Variants in LRFN3 observed in about 807,000 individuals in gnomAD.
The protein encoded by LRFN3 is leucine-rich repeat and fibronectin type-III domain-containing protein 3.
Under a neutral mutation model 23.8 loss-of-function variants are expected in LRFN3, and 8 were observed. The observed-to-expected ratio is 0.34, with a 90% confidence interval of 0.20 to 0.61. The LOEUF is 0.61. Among genes scored for constraint, LRFN3 ranks in the 20% least tolerant of loss-of-function variants. The pLI is 0.80. For synonymous variants in LRFN3, 451 were observed against 450.6 expected, an observed-to-expected ratio of 1.00 and a Z score of -0.01; for missense variants, 736 against 935.3, an observed-to-expected ratio of 0.79 and a Z score of 2.78.
intron 2 of LRFN3, among the ~76,000 whole-genome samples, chr19:35,942,039 T>C (rs7246259): frequency 0.14 from 21,681 of 151,864 alleles, 3,214 homozygotes; most frequent in African/African-American, 0.38. Context: ...CCCGTCACCA[T>C]GCCCGGCTAA....
In LRFN3 at chr19:35,940,817, G is replaced by C; in HGVS notation, c.1392G>C (p.Ser464=). 1 of 1,581,834 alleles carries C rather than the reference G, an allele frequency of 6.3e-7. No homozygotes were observed. Among genetic ancestry groups the C allele is most frequent in the Non-Finnish European group, 8.6e-7 (1 of 1,158,458 alleles). The part of the protein sequence containing the change: ...IRMYQIQYNS[S]ADDILVYRMI... Reference sequence around the variant, plus strand: ...TGTACCAGATCCAGTACAACAGCTCGGCTGATGACATCCTCGTCTACAGGT... The same window carrying C: ...TGTACCAGATCCAGTACAACAGCTCCGCTGATGACATCCTCGTCTACAGGT... The change falls in exon 2 of 3, where the codon TCG becomes TCC. Residue 464 remains serine, a synonymous_variant. Coordinates refer to ENST00000246529, the MANE Select transcript of LRFN3 (RefSeq NM_024509.2).
rs2038393314 is a variant in LRFN3, at chr19:35,940,485, C to T, written c.1060C>T (p.Leu354=). 6.2e-7 allele frequency: 1 copy of T among 1,610,880 alleles called. No homozygotes were observed. The highest frequency in any genetic ancestry group is 8.5e-7 in the Non-Finnish European group (1 of 1,179,502). Residue 354 remains leucine, a synonymous_variant, in exon 2 of 3, where the codon CTG becomes TTG. Coordinates refer to ENST00000246529, the MANE Select transcript of LRFN3 (RefSeq NM_024509.2). ...CTTCCCCAATGGGACGCTGGAGCTG[C>T]TGGTCACCGAGCCGGGTGATGGTGG... is the stretch of plus-strand genomic sequence containing the variant. ...RAFPNGTLEL[L]VTEPGDGGIF...
At chr19:35,938,379 TTC>T (rs113707953) in intron 1 of LRFN3, among the ~76,000 whole-genome samples, 10,628 of 149,444 alleles carry the variant, frequency 0.071, 680 homozygotes, top group African/African-American at 0.17. Flanking sequence ...TGGCCACCTC[TTC>T]TCTCTTTCTC....
At position 35,944,573 on chromosome 19, in the gene LRFN3, T is replaced by C. The variant is rs1396813442; in HGVS notation, c.1441T>C (p.Phe481Leu). The C allele has an allele frequency of 6.8e-7, 1 of 1,476,126 alleles. No homozygotes were observed. Among genetic ancestry groups the C allele is most frequent in the East Asian group, 2.5e-5 (1 of 39,862 alleles). The allele number at this position is 1,476,126 out of a possible 1,614,324, so 91.4% of individuals were successfully genotyped here. A position where few individuals can be genotyped will look rare whatever the true frequency, so the allele number is the denominator to read the frequency against. ...YRMIPAESRS[F>L]LLTDLASGRT... is the part of the protein sequence containing the mutation. ...GATGATCCCGGCGGAGAGCCGCTCG[T>C]TCCTGCTGACGGACCTGGCGTCAGG... The change falls in exon 3 of 3, where the codon TTC (phenylalanine) becomes CTC (leucine). Residue 481 changes from phenylalanine (F) to leucine (L), a missense_variant. By Grantham distance (22) the Phe-to-Leu change is conservative (BLOSUM62 0). This residue lies in a region of LRFN3 where 290 missense variants were observed against 287.4 expected (regional missense o/e 1.01). Transcript: ENST00000246529. The surrounding 1 kb of genome is among the most constrained non-coding windows in gnomAD (Gnocchi z 4.5).
intron 2 of LRFN3, among the ~76,000 whole-genome samples, chr19:35,941,951 T>C (rs1217053373): frequency 3.9e-5 from 6 of 151,920 alleles, no homozygotes; most frequent in South Asian, 2.1e-4. Context: ...GGCACAATCT[T>C]GACTCACTGC....
rs1030145713 is a variant in LRFN3 at position 35,944,105 on chromosome 19, G to T, written c.1416-443G>T. ...CTCAGGAGGCTGAGGCCGGAGGATG[G>T]CTTGAGTCCAGGAGTCAGAGGCTGC... On this transcript the variant is annotated intron_variant, in intron 2 of 2. Transcript: ENST00000246529. The surrounding 1 kb of genome is among the most constrained non-coding windows in gnomAD (Gnocchi z 4.5). Among the ~76,000 whole-genome samples, 1 of 152,194 alleles carries T rather than the reference G, an allele frequency of 6.6e-6. No homozygotes were observed. Among genetic ancestry groups the T allele is most frequent in the Admixed American group, 6.5e-5 (1 of 15,276 alleles).
rs1004524018 is a variant in LRFN3, at chr19:35,946,007, G to T, written c.*988G>T. 1.2e-4 allele frequency among the ~76,000 whole-genome samples: 19 copies of T among 152,038 alleles called. No individual in the cohort carries two copies. Among genetic ancestry groups the T allele is most frequent in the Admixed American group, 1.2e-3 (18 of 15,252 alleles). ...AGGGAGTGGGTTGACAGAGACACTC[G>T]GGAAACTGTGGGAAGCTGAGGCGGT... is the stretch of plus-strand genomic sequence containing the variant. On this transcript the variant is annotated 3_prime_UTR_variant, in exon 3 of 3. Transcript: ENST00000246529.
chr19:35,938,107 T>C (rs1976076844), intron 1 of LRFN3, among the ~76,000 whole-genome samples: 1 of 152,120 alleles, frequency 6.6e-6, no homozygotes, highest in African/African-American at 2.4e-5. Context: ...CCATCCATCT[T>C]TGACATTGCT....
intron 2 of LRFN3, among the ~76,000 whole-genome samples, chr19:35,941,339 C>G (rs1207164798): frequency 6.6e-6 from 1 of 152,078 alleles, no homozygotes; most frequent in Non-Finnish European, 1.5e-5. Flanking sequence ...AAGAGAGAAA[C>G]ACCAGGTTTT....
rs908964968 is a variant in LRFN3 at position 35,944,336 on chromosome 19, T to C, written c.1416-212T>C. 1.7e-4 allele frequency among the ~76,000 whole-genome samples: 26 copies of C among 151,996 alleles called. No homozygotes were observed. The highest frequency in any genetic ancestry group is 1.7e-3 in the South Asian group (8 of 4,828). On this transcript the variant is annotated intron_variant, in intron 2 of 2. Transcript: ENST00000246529. This position sits in a 1 kb window ranked among gnomAD's most constrained non-coding sequence, Gnocchi z 4.5. ...TGTGAGAGGGTGGGCTAGAGTGAAA[T>C]TGGCCAACAGACTGGAGGGGTATCA...
Position 35,945,079 on chromosome 19 carries a change from T to A in LRFN3, c.*60T>A. The A allele has an allele frequency of 9.6e-7, 1 of 1,045,346 alleles. No homozygotes were observed. Among genetic ancestry groups the A allele is most frequent in the Non-Finnish European group, 1.3e-6 (1 of 778,576 alleles). 64.8% of individuals were successfully genotyped at this position (1,045,346 alleles called of 1,614,324 possible). ...CACGGACAGCAGGACCCGGACACCC[T>A]GTGGGACCTGGCCTCAAACTCACCA... On this transcript the variant is annotated 3_prime_UTR_variant, in exon 3 of 3. Coordinates refer to ENST00000246529, the MANE Select transcript of LRFN3 (RefSeq NM_024509.2).
Position 35,940,618 on chromosome 19 carries a change from AC to A in LRFN3, c.1199del (p.Pro400ArgfsTer34). The A allele has an allele frequency of 6.2e-7, 1 of 1,609,684 alleles. No homozygotes were observed. Among genetic ancestry groups the A allele is most frequent in the African/African-American group, 1.3e-5 (1 of 74,900 alleles). On this transcript the variant is annotated frameshift_variant, in exon 2 of 3. Coordinates refer to ENST00000246529, the MANE Select transcript of LRFN3 (RefSeq NM_024509.2). LOFTEE classifies it high-confidence loss of function. ...PPQLANSTSCDPPRDGDPDAL... is the reference protein window; with the variant it reads ...PPQLANSTSCXPPRDGDPDAL... ...CAGCTAGCCAACAGCACCAGCTGTGACCCCCCGCGGGACGGGGATCCTGATG... is the reference window on the plus strand; with the variant it reads ...CAGCTAGCCAACAGCACCAGCTGTGACCCCCGCGGGACGGGGATCCTGATG...
intron 1 of LRFN3, 109 bp downstream of exon 1, chr19:35,937,664 G>C (rs890579183): frequency 1.3e-5 from 2 of 152,756 alleles, no homozygotes; most frequent in Admixed American, 1.3e-4. Flanking sequence ...CAGAAAAAAA[G>C]ACATTCCCCC....
Position 35,940,544 on chromosome 19 carries a change from C to T in LRFN3, c.1119C>T (p.Gly373=), listed in dbSNP as rs761574087. The T allele has an allele frequency of 6.8e-6, 11 of 1,612,602 alleles. No individual in the cohort carries two copies. Among genetic ancestry groups the T allele is most frequent in the Admixed American group, 5.0e-5 (3 of 59,982 alleles). ...IFTCIAANAA[G]EATAAVELTV... ...CCTGCATTGCGGCCAATGCAGCTGG[C>T]GAGGCCACAGCTGCTGTGGAGCTGA... is the stretch of plus-strand genomic sequence containing the variant. The change falls in exon 2 of 3, where the codon GGC becomes GGT. Residue 373 remains glycine (G), a synonymous_variant. Coordinates refer to ENST00000246529, the MANE Select transcript of LRFN3 (RefSeq NM_024509.2).
At position 35,944,723 on chromosome 19, in the gene LRFN3, C is replaced by T; in HGVS notation, c.1591C>T (p.His531Tyr). The T allele has an allele frequency of 1.2e-6, 2 of 1,605,944 alleles. No homozygotes were observed. Among genetic ancestry groups the T allele is most frequent in the African/African-American group, 1.3e-5 (1 of 74,634 alleles). The change falls in exon 3 of 3, where the codon CAC (histidine) becomes TAC (tyrosine). Residue 531 changes from histidine to tyrosine, a missense_variant. By Grantham distance (83) the His-to-Tyr change is moderately conservative. This residue lies in a region of LRFN3 where 290 missense variants were observed against 287.4 expected (regional missense o/e 1.01). Transcript: ENST00000246529. This position sits in a 1 kb window ranked among gnomAD's most constrained non-coding sequence, Gnocchi z 4.5. The part of the protein sequence containing the change: ...EPALRPCGAP[H>Y]APFLGGTMII... ...TGCGCTGCGGCCATGCGGGGCGCCG[C>T]ACGCTCCCTTCCTGGGCGGCACGAT...
intron 2 of LRFN3, among the ~76,000 whole-genome samples, chr19:35,943,762 C>T (rs1017959294): frequency 4.6e-5 from 7 of 152,006 alleles, no homozygotes; most frequent in South Asian, 2.1e-4. Context: ...AGATGACTGG[C>T]AGTGGGACCA....
rs914134840 is a variant in LRFN3 at position 35,946,209 on chromosome 19, C to G, written c.*1190C>G. On this transcript the variant is annotated 3_prime_UTR_variant, in exon 3 of 3. Coordinates refer to ENST00000246529, the MANE Select transcript of LRFN3 (RefSeq NM_024509.2). ...TGGCATTCAGGAGGGTGCAGGACCCCTGGTCTGAGGCTGAAGCTGGAAATA... is the reference window on the plus strand; with the variant it reads ...TGGCATTCAGGAGGGTGCAGGACCCGTGGTCTGAGGCTGAAGCTGGAAATA... 6.6e-6 allele frequency among the ~76,000 whole-genome samples: 1 copy of G among 151,978 alleles called. No individual in the cohort carries two copies.
rs2145304161 is a variant in LRFN3 at position 35,945,154 on chromosome 19, G to A, written c.*135G>A. The stretch of plus-strand genomic sequence containing the variant: ...TGATGGGGAGGGTGTCGGGGACACC[G>A]GGGCAAAACAAGAAAGTCCTATTTT... On this transcript the variant is annotated 3_prime_UTR_variant, in exon 3 of 3. Coordinates refer to ENST00000246529, the MANE Select transcript of LRFN3 (RefSeq NM_024509.2). 1 of 524,170 alleles carries A rather than the reference G, an allele frequency of 1.9e-6. No individual in the cohort carries two copies. The highest frequency in any genetic ancestry group is 3.2e-6 in the Non-Finnish European group (1 of 316,176). 32.5% of individuals were successfully genotyped at this position (524,170 alleles called of 1,614,324 possible).
At chr19:35,942,096 A>G (rs1205316342) in intron 2 of LRFN3, among the ~76,000 whole-genome samples, 1 of 151,188 alleles carries the variant, frequency 6.6e-6, no homozygotes, top group South Asian at 2.1e-4. Flanking sequence ...GTTAGCCAGG[A>G]TGGTCTCGAT....
Sources: gnomAD v4.1 joint callset for allele counts (sites outside exome capture counted in the v4.1 genomes callset) on GRCh38, gnomAD v4.1.1 for gene constraint, gnomAD v4.1.1 regional missense constraint, Gnocchi (gnomAD v3.1) non-coding constraint, MANE v1.5 for transcripts, NCBI Gene and HGNC (gene_info 2026-07-23, HGNC 2026-07-21) for gene names.